The following PBX4 variants were observed in gnomAD, a reference collection of about 807,000 sequenced individuals.
PBX4 encodes the protein PBX homeobox 4.
In PBX4, 26 loss-of-function variants were observed where a neutral mutation model predicts 35.1. The ratio of observed to expected loss-of-function variants is 0.74; its 90% CI spans 0.54 to 1.03. PBX4 has a LOEUF of 1.03. Among genes scored for constraint, PBX4 ranks in the 50% least tolerant of loss-of-function variants. The pLI is 0.00. For synonymous variants in PBX4, 199 were observed against 204.2 expected, an observed-to-expected ratio of 0.97 and a Z score of 0.22; for missense variants, 448 against 504.3, an observed-to-expected ratio of 0.89 and a Z score of 1.07.
rs529556407 is a variant in PBX4, at chr19:19,597,541, T to C, written c.193+1751A>G. 3.3e-5 allele frequency among the ~76,000 whole-genome samples: 5 copies of C among 152,336 alleles called. No individual in the cohort carries two copies. The East Asian group carries it at 9.6e-4, about 29-fold the overall frequency. On this transcript the variant is annotated intron_variant, in intron 2 of 7. Coordinates refer to ENST00000251203, the MANE Select transcript of PBX4 (RefSeq NM_025245.3). ...AGACCCTCTTGCTGTTCTCAACTAC[T>C]ATATATGTCAAGTACACATCAATCT...
chr19:19,595,241 A>G (rs1317924971), intron 2 of PBX4, among the ~76,000 whole-genome samples: 1 of 152,136 alleles, frequency 6.6e-6, no homozygotes, highest in Non-Finnish European at 1.5e-5. Context: ...GAAAAGTGAA[A>G]GGGACCAACA....
intron 2 of PBX4, among the ~76,000 whole-genome samples, chr19:19,590,205 T>C (rs1440843626): frequency 6.6e-6 from 1 of 152,180 alleles, no homozygotes; most frequent in East Asian, 1.9e-4. Context: ...ATACCCCGTC[T>C]CTATGAGCAG....
intron 1 of PBX4, among the ~76,000 whole-genome samples, 198 bp from the exon 2 acceptor site, chr19:19,599,563 C>T (rs905242466): frequency 6.6e-6 from 1 of 152,026 alleles, no homozygotes; most frequent in African/African-American, 2.4e-5. Flanking sequence ...AAAGGCCAGC[C>T]GTGGTGGCTC....
At position 19,562,351 on chromosome 19, in the gene PBX4, C is replaced by G. The variant is rs1448360290; in HGVS notation, c.1033-234G>C. Among the ~76,000 whole-genome samples the G allele has an allele frequency of 6.6e-6, 1 of 152,208 alleles. No homozygotes were observed. The highest frequency in any genetic ancestry group is 1.5e-5 in the Non-Finnish European group (1 of 68,034). On this transcript the variant is annotated intron_variant, in intron 7 of 7. Transcript: ENST00000251203. The surrounding 1 kb of genome is among the most constrained non-coding windows in gnomAD (Gnocchi z 4.8). ...GCTTCCCCGGCAGGAAAACTGGCCT[C>G]TAGTGGCTTCCCTGGGGCTTAGGCA...
intron 1 of PBX4, among the ~76,000 whole-genome samples, chr19:19,611,131 T>C (rs569011767): frequency 1.6e-4 from 25 of 152,264 alleles, no homozygotes; most frequent in Non-Finnish European, 3.2e-4. Context: ...TAAGTATACA[T>C]ACTTTATAAG....
At chr19:19,604,148 T>C (rs1233610483) in intron 1 of PBX4, among the ~76,000 whole-genome samples, 1 of 152,052 alleles carries the variant, frequency 6.6e-6, no homozygotes, top group Non-Finnish European at 1.5e-5. Flanking sequence ...TGAAAATCAA[T>C]AACTTCACAA....
At chr19:19,600,627 T>C (rs2061591604) in intron 1 of PBX4, among the ~76,000 whole-genome samples, 1 of 151,816 alleles carries the variant, frequency 6.6e-6, no homozygotes, top group African/African-American at 2.4e-5. Context: ...GAGACCAGCC[T>C]GGCCAACATG....
intron 1 of PBX4, 43 bp from the exon 2 acceptor site, chr19:19,599,408 C>A: frequency 6.6e-7 from 1 of 1,519,014 alleles, no homozygotes; most frequent in Non-Finnish European, 9.1e-7. Context: ...AAAGAATAGT[C>A]ATCATCTTGT....
At chr19:19,575,154 G>A (rs940211876) in intron 2 of PBX4, among the ~76,000 whole-genome samples, 14 of 151,462 alleles carry the variant, frequency 9.2e-5, no homozygotes, top group African/African-American at 2.7e-4. Context: ...GGAGAATGGC[G>A]TGCACCCGGG....
intron 2 of PBX4, among the ~76,000 whole-genome samples, chr19:19,577,609 A>G (rs1006101348): frequency 3.3e-5 from 5 of 152,100 alleles, no homozygotes; most frequent in Non-Finnish European, 5.9e-5. Flanking sequence ...GCTCACGCCT[A>G]TAATCCCAGC....
chr19:19,561,895 G>T lies in PBX4; in HGVS notation c.*130C>A, dbSNP rs531290499. 18 of 702,266 alleles carry T rather than the reference G, an allele frequency of 2.6e-5. No individual in the cohort carries two copies. Among genetic ancestry groups the T allele is most frequent in the Non-Finnish European group, 4.1e-5 (18 of 434,102 alleles). The allele number at this position is 702,266 out of a possible 1,614,324, so 43.5% of individuals were successfully genotyped here. A position where few individuals can be genotyped will look rare whatever the true frequency, so the allele number is the denominator to read the frequency against. ...AGCCGGCGCCACGGGCCTGGCTGAG[G>T]AGCAGGGGCTCATGGGCACCACCAC... is the stretch of plus-strand genomic sequence containing the variant. On this transcript the variant is annotated 3_prime_UTR_variant, in exon 8 of 8. Coordinates refer to ENST00000251203, the MANE Select transcript of PBX4 (RefSeq NM_025245.3).
At chr19:19,594,388 C>T (rs1010199545) in intron 2 of PBX4, among the ~76,000 whole-genome samples, 5 of 149,258 alleles carry the variant, frequency 3.3e-5, no homozygotes, top group African/African-American at 1.2e-4. Context: ...AAGAGTGAAA[C>T]TCTGTCTAAA....
chr19:19,568,154 C>T (rs1167507296), intron 5 of PBX4, among the ~76,000 whole-genome samples: 3 of 146,870 alleles, frequency 2.0e-5, no homozygotes, highest in Admixed American at 6.7e-5. Context: ...CTGTAACCCT[C>T]AGGGAGCTCA....
chr19:19,569,577 G>A lies in PBX4; in HGVS notation c.640C>T (p.Arg214Trp), dbSNP rs757291376. Residue 214 changes from arginine to tryptophan, a missense_variant, in exon 5 of 8, where the codon CGG (arginine) becomes TGG (tryptophan). Coordinates refer to ENST00000251203, the MANE Select transcript of PBX4 (RefSeq NM_025245.3). ...GTCGCCTGCTTGCTGAAATTCCGCC[G>A]CTTGCGCCTGCAAAAACAGCCGCCT... ...RSRLLDARRK[R>W]RNFSKQATEV... The A allele has an allele frequency of 9.3e-6, 15 of 1,612,942 alleles. No individual in the cohort carries two copies. Among genetic ancestry groups the A allele is most frequent in the South Asian group, 4.4e-5 (4 of 90,934 alleles).
chr19:19,574,902 C>T lies in PBX4; in HGVS notation c.194-4069G>A, dbSNP rs369157423. Among the ~76,000 whole-genome samples the T allele has an allele frequency of 5.4e-4, 82 of 152,114 alleles. 1 individual carries two copies. In the South Asian group the frequency reaches 0.016, roughly 30 times the overall value. ...GTTTCACCATGTTGAACAGGCTGGT[C>T]TCGAACTCCTAACTTCAGGTGATCC... On this transcript the variant is annotated intron_variant, in intron 2 of 7. Transcript: ENST00000251203.
chr19:19,613,282 A>G (rs1428423752), intron 1 of PBX4, among the ~76,000 whole-genome samples: 21 of 151,478 alleles, frequency 1.4e-4, no homozygotes, highest in Admixed American at 1.4e-3. Flanking sequence ...CCTGGCCAAC[A>G]TGGCAAAACC....
At chr19:19,590,459 T>C (rs902800801) in intron 2 of PBX4, among the ~76,000 whole-genome samples, 1 of 151,846 alleles carries the variant, frequency 6.6e-6, no homozygotes, top group Non-Finnish European at 1.5e-5. Flanking sequence ...ACGTTTTGTT[T>C]TGTTTTCTTT....
chr19:19,580,490 G>C (rs2061447303), intron 2 of PBX4, among the ~76,000 whole-genome samples: 5 of 152,148 alleles, frequency 3.3e-5, no homozygotes, highest in Admixed American at 3.3e-4. Flanking sequence ...GTGGTAACTG[G>C]GACCTGGGCT....
intron 2 of PBX4, chr19:19,579,714 T>A (rs922455924): frequency 2.0e-5 from 3 of 152,370 alleles, no homozygotes; most frequent in Non-Finnish European, 4.4e-5. Flanking sequence ...GTCACTCCGC[T>A]GGCCGCAAGC....
Sources: allele counts gnomAD v4.1 joint callset (sites outside exome capture counted in the v4.1 genomes callset), GRCh38; gene constraint gnomAD v4.1.1; non-coding constraint Gnocchi (gnomAD v3.1); transcripts MANE v1.5; gene names NCBI Gene and HGNC (gene_info 2026-07-23, HGNC 2026-07-21).